SMARCAD1: variants seen among roughly 807,000 people sequenced by gnomAD.
The protein encoded by SMARCAD1 is SNF2 related chromatin remodeling ATPase with DExD box 1.
SMARCAD1 carries 25 observed loss-of-function variants against 127.1 expected under a neutral mutation model. That is an observed-to-expected ratio of 0.20 (90% CI 0.14 to 0.27). The LOEUF is 0.27. Ranked by LOEUF, SMARCAD1 falls within the 10% of genes least tolerant of loss-of-function variation. The pLI, the probability that SMARCAD1 is intolerant of heterozygous loss-of-function variation, is 1.00. For synonymous variants in SMARCAD1, 400 were observed against 396.9 expected (o/e 1.01, Z -0.09); for missense variants, 807 against 1,206.0 (o/e 0.67, Z 4.90).
At chr4:94,284,812 G>T in intron 22 of SMARCAD1, 148 bp from the exon 23 acceptor site, 1 of 592,320 alleles carries the variant, frequency 1.7e-6, no homozygotes, top group Non-Finnish European at 3.0e-6. Context: ...GTCAGAAAAT[G>T]TCAGTCTCAA....
chr4:94,249,946 T>C (rs1170105365), intron 7 of SMARCAD1, among the ~76,000 whole-genome samples, 191 bp downstream of exon 7: 3 of 152,028 alleles, frequency 2.0e-5, no homozygotes, highest in Admixed American at 6.5e-5. Flanking sequence ...TTGTTTACTA[T>C]AGTATCTATA....
chr4:94,218,018 A>G (rs1043920692), intron 2 of SMARCAD1, among the ~76,000 whole-genome samples: 1 of 152,134 alleles, frequency 6.6e-6, no homozygotes, highest in South Asian at 2.1e-4. Flanking sequence ...ACTGTTCTAC[A>G]TCTTGTTTAT....
intron 9 of SMARCAD1, 196 bp downstream of exon 9, chr4:94,253,203 G>T: frequency 6.7e-7 from 1 of 1,498,288 alleles, no homozygotes; most frequent in Non-Finnish European, 9.0e-7. Flanking sequence ...TGAATTAAGG[G>T]GTGATTTTCC....
At chr4:94,222,702 C>T (rs1161432324) in intron 2 of SMARCAD1, among the ~76,000 whole-genome samples, 1 of 152,106 alleles carries the variant, frequency 6.6e-6, no homozygotes, top group Non-Finnish European at 1.5e-5. Context: ...GTGGCTCACA[C>T]CTGTAATCCC....
At chr4:94,275,003 G>T in intron 14 of SMARCAD1, 38 bp downstream of exon 14, 1 of 1,392,870 alleles carries the variant, frequency 7.2e-7, no homozygotes, top group African/African-American at 1.4e-5. Context: ...GGATATTTAT[G>T]CAGCCCCCAA....
Position 94,223,152 on chromosome 4 carries a change from C to G in SMARCAD1, c.191-2967C>G, listed in dbSNP as rs531773407. Reference sequence around the variant, plus strand: ...GAAAAGATTATTCTTCATTTTTTATCTGCAGTCCAGTGCTCTGCCTCTGAG... The same window carrying G: ...GAAAAGATTATTCTTCATTTTTTATGTGCAGTCCAGTGCTCTGCCTCTGAG... On this transcript the variant is annotated intron_variant, in intron 2 of 23. Coordinates refer to ENST00000354268, the MANE Select transcript of SMARCAD1 (RefSeq NM_020159.5). 5.9e-5 allele frequency among the ~76,000 whole-genome samples: 9 copies of G among 152,118 alleles called. 1 individual carries two copies. In the East Asian group the frequency reaches 1.8e-3, roughly 30 times the overall value.
At chr4:94,261,086 C>T (rs2125940343) in intron 9 of SMARCAD1, among the ~76,000 whole-genome samples, 1 of 151,680 alleles carries the variant, frequency 6.6e-6, no homozygotes, top group South Asian at 2.1e-4. Context: ...AGAGTTACCT[C>T]TCGTGTAACA....
chr4:94,260,801 A>C (rs935867935), intron 9 of SMARCAD1, among the ~76,000 whole-genome samples: 1 of 152,126 alleles, frequency 6.6e-6, no homozygotes, highest in African/African-American at 2.4e-5. Flanking sequence ...GGTCACCCCC[A>C]CCTTTTAACC....
intron 22 of SMARCAD1, among the ~76,000 whole-genome samples, chr4:94,284,179 TAGCC>T (rs1560571097): frequency 6.7e-6 from 1 of 149,704 alleles, no homozygotes; most frequent in African/African-American, 2.5e-5. Context: ...AAAAAAAAAT[TAGCC>T]AGGCGTGGTG....
intron 16 of SMARCAD1, among the ~76,000 whole-genome samples, chr4:94,277,398 A>C (rs1476516514): frequency 6.6e-6 from 1 of 152,226 alleles, no homozygotes; most frequent in Non-Finnish European, 1.5e-5. Flanking sequence ...TTTCTGAAGG[A>C]TGACGATTTT....
chr4:94,245,930 C>G (rs1040000169), intron 6 of SMARCAD1, among the ~76,000 whole-genome samples: 1 of 152,092 alleles, frequency 6.6e-6, no homozygotes, highest in African/African-American at 2.4e-5. Flanking sequence ...TTCTTTAAAA[C>G]TCTCTAAAAC....
chr4:94,248,633 C>A (rs1748822663), intron 6 of SMARCAD1: 5 of 424,154 alleles, frequency 1.2e-5, no homozygotes. Context: ...CATGTTAGCT[C>A]TGGTTTAATT....
chr4:94,264,836 A>C lies in SMARCAD1; in HGVS notation c.1411A>C (p.Lys471Gln). ...TGAAGACATTTCAAATAAATTGACC[A>C]AACAAGTTACCATGCTTACTGGAAA... ...KCEDISNKLT[K>Q]QVTMLTGNGG... Residue 471 changes from lysine (K) to glutamine (Q), a missense_variant, in exon 10 of 24, where the codon AAA (lysine) becomes CAA (glutamine). Around this residue, in one of 8 missense-constraint regions of SMARCAD1, gnomAD observed 257 missense variants for 303.4 expected, o/e 0.85. Transcript: ENST00000354268. The C allele has an allele frequency of 6.2e-7, 1 of 1,613,192 alleles. No homozygotes were observed. Among genetic ancestry groups the C allele is most frequent in the Non-Finnish European group, 8.5e-7 (1 of 1,179,358 alleles).
chr4:94,219,077 G>T (rs536810268), intron 2 of SMARCAD1, among the ~76,000 whole-genome samples: 163 of 152,314 alleles, frequency 1.1e-3, no homozygotes, highest in African/African-American at 3.8e-3. Flanking sequence ...CTCCCAAAGT[G>T]CTGGGATTAC....
At chr4:94,237,611 A>T (rs1746881952) in intron 5 of SMARCAD1, among the ~76,000 whole-genome samples, 1 of 152,036 alleles carries the variant, frequency 6.6e-6, no homozygotes, top group East Asian at 1.9e-4. Flanking sequence ...CTTTTATGTC[A>T]TTCTCAACTT....
intron 2 of SMARCAD1, among the ~76,000 whole-genome samples, chr4:94,216,613 C>G (rs910668333): frequency 1.3e-5 from 2 of 152,192 alleles, no homozygotes; most frequent in Admixed American, 1.3e-4. Context: ...AACAACTACT[C>G]CTCATTTCTG....
intron 11 of SMARCAD1, among the ~76,000 whole-genome samples, chr4:94,272,531 T>TA (rs1752683014): frequency 6.6e-6 from 1 of 152,238 alleles, no homozygotes; most frequent in African/African-American, 2.4e-5. Flanking sequence ...CAGTTACTGC[T>TA]ACCACTATTC....
chr4:94,248,452 G>C (rs1391205239), intron 6 of SMARCAD1: 1 of 455,980 alleles, frequency 2.2e-6, no homozygotes. Flanking sequence ...CCATCTGTGA[G>C]CTTTAAAATA....
In SMARCAD1 at chr4:94,226,502, CAG is replaced by C. The variant is rs565122654; in HGVS notation, c.368+207_368+208del. Among the ~76,000 whole-genome samples the C allele has an allele frequency of 2.7e-5, 3 of 110,516 alleles. No individual in the cohort carries two copies. In the East Asian group the frequency reaches 8.5e-4, roughly 31 times the overall value. 72.5% of individuals were successfully genotyped at this position (110,516 alleles called of 152,430 possible). Reference sequence around the variant, plus strand: ...TACAATGTGTGTGTTTTCTGGATAACAGTGATTTTTTTTTTTTTTTTTTTTTG... The same window carrying C: ...TACAATGTGTGTGTTTTCTGGATAACTGATTTTTTTTTTTTTTTTTTTTTG... On this transcript the variant is annotated intron_variant, in intron 3 of 23. Coordinates refer to ENST00000354268, the MANE Select transcript of SMARCAD1 (RefSeq NM_020159.5).
Sources: gnomAD v4.1 joint callset for allele counts (sites outside exome capture counted in the v4.1 genomes callset) on GRCh38, gnomAD v4.1.1 for gene constraint, gnomAD v4.1.1 regional missense constraint, MANE v1.5 for transcripts, NCBI Gene and HGNC (gene_info 2026-07-23, HGNC 2026-07-21) for gene names.